The following RSPH14 variants were observed in gnomAD, a reference collection of about 807,000 sequenced individuals.
The protein encoded by RSPH14 is radial spoke head 14 homolog, also known as rhabdoid tumor deletion region gene 1.
RSPH14 carries 20 observed loss-of-function variants against 26.7 expected under a neutral mutation model. The observed-to-expected ratio is 0.75, with a 90% CI of 0.53 to 1.09. The LOEUF is 1.09. Among genes scored for constraint, RSPH14 ranks in the 50% least tolerant of loss-of-function variants. The pLI is 0.00. For missense variants in RSPH14, 449 were observed against 457.2 expected, an observed-to-expected ratio of 0.98 and a Z score of 0.16; for synonymous variants, 177 against 189.3, an observed-to-expected ratio of 0.93 and a Z score of 0.53.
At chr22:23,119,589 T>C (rs2069951587) in intron 4 of RSPH14, among the ~76,000 whole-genome samples, 1 of 152,226 alleles carries the variant, frequency 6.6e-6, no homozygotes, top group African/African-American at 2.4e-5. Context: ...GCCTTCCTGT[T>C]CTATAAAGAT....
At chr22:23,122,149 G>A (rs1428942401) in intron 4 of RSPH14, among the ~76,000 whole-genome samples, 5 of 152,234 alleles carry the variant, frequency 3.3e-5, no homozygotes, top group African/African-American at 4.8e-5. Context: ...GCAAATTCCA[G>A]GTAGTTACTC....
the RSPH14 span, among the ~76,000 whole-genome samples, chr22:23,170,966 CT>C: frequency 1.2e-4 from 18 of 151,936 alleles, no homozygotes; most frequent in East Asian, 3.9e-4. Flanking sequence ...GTTGCACTTT[CT>C]TTTTTCTTCT....
At chr22:23,152,484 T>TG in the RSPH14 span, 1 of 1,614,098 alleles carries the variant, frequency 6.2e-7, no homozygotes, top group Non-Finnish European at 8.5e-7. Flanking sequence ...AAGGTGGTGG[T>TG]GGTTGGCGAT....
the RSPH14 span, among the ~76,000 whole-genome samples, chr22:23,170,901 C>G: frequency 2.6e-5 from 4 of 152,038 alleles, no homozygotes; most frequent in African/African-American, 9.7e-5. Context: ...GGCTGGCGTG[C>G]TGTGGCTATT....
intron 4 of RSPH14, among the ~76,000 whole-genome samples, chr22:23,080,118 T>C (rs2068634970): frequency 6.6e-6 from 1 of 151,302 alleles, no homozygotes; most frequent in African/African-American, 2.5e-5. Context: ...AGGCCCCACT[T>C]CTTCTCTGCT....
chr22:23,069,513 G>A (rs537481299), intron 4 of RSPH14, among the ~76,000 whole-genome samples: 162 of 152,324 alleles, frequency 1.1e-3, no homozygotes, highest in African/African-American at 3.7e-3. Flanking sequence ...GTTCAGCTGC[G>A]TTTTGCTGAG....
chr22:23,161,823 T>C, the RSPH14 span: 11 of 496,918 alleles, frequency 2.2e-5, no homozygotes, highest in Non-Finnish European at 3.6e-5. Flanking sequence ...ACTGTGGTGA[T>C]CCCATAAAAG....
chr22:23,123,399 C>A, intron 4 of RSPH14: 1 of 1,613,686 alleles, frequency 6.2e-7, no homozygotes, highest in Non-Finnish European at 8.5e-7. Flanking sequence ...CGTCATCATA[C>A]AGAACAATCT....
chr22:23,167,458 C>A, the RSPH14 span, among the ~76,000 whole-genome samples: 16 of 152,280 alleles, frequency 1.1e-4, no homozygotes, highest in Admixed American at 1.0e-3. Flanking sequence ...CTGCCTGCCT[C>A]CCCCTCCTCC....
At chr22:23,167,973 AGTT>A in the RSPH14 span, among the ~76,000 whole-genome samples, 1 of 151,954 alleles carries the variant, frequency 6.6e-6, no homozygotes, top group Non-Finnish European at 1.5e-5. Context: ...CAGCCTCCCA[AGTT>A]GTTGGGACTA....
chr22:23,175,681 T>C, the RSPH14 span, among the ~76,000 whole-genome samples: 53 of 152,324 alleles, frequency 3.5e-4, no homozygotes, highest in Non-Finnish European at 5.4e-4. Flanking sequence ...CCACTGCTCA[T>C]AGACAGCTGT....
the RSPH14 span, among the ~76,000 whole-genome samples, chr22:23,171,833 ACT>A: frequency 3.0e-5 from 4 of 135,194 alleles, no homozygotes; most frequent in Non-Finnish European, 6.3e-5. Flanking sequence ...CAAGAGCAAA[ACT>A]CTGTCTCAAA....
chr22:23,156,125 A>G, the RSPH14 span: 1 of 876,132 alleles, frequency 1.1e-6, no homozygotes, highest in East Asian at 4.0e-5. Flanking sequence ...CTGCACAGGC[A>G]CCAGTTTTTT....
chr22:23,078,561 G>C (rs1282324576), intron 4 of RSPH14, among the ~76,000 whole-genome samples: 1 of 152,214 alleles, frequency 6.6e-6, no homozygotes, highest in Non-Finnish European at 1.5e-5. Flanking sequence ...GGCTGTTCTG[G>C]GGCTCTCCCT....
the RSPH14 span, among the ~76,000 whole-genome samples, chr22:23,168,222 G>GC: frequency 6.6e-6 from 1 of 152,236 alleles, no homozygotes; most frequent in Non-Finnish European, 1.5e-5. Flanking sequence ...TGGGGCATAA[G>GC]CCCTGGGTCC....
chr22:23,144,306 T>C (rs556835138), upstream of RSPH14, among the ~76,000 whole-genome samples: 1 of 152,252 alleles, frequency 6.6e-6, no homozygotes, highest in Non-Finnish European at 1.5e-5. Context: ...GTGGACACCA[T>C]GTCCGTTCTC....
chr22:23,062,749 T>C (rs1410889842), intron 5 of RSPH14, among the ~76,000 whole-genome samples: 1 of 152,226 alleles, frequency 6.6e-6, no homozygotes, highest in Non-Finnish European at 1.5e-5. Flanking sequence ...ATGATCAAAG[T>C]TGCAGAGTCC....
intron 4 of RSPH14, 35 bp from the exon 5 acceptor site, chr22:23,064,168 G>C (rs755901023): frequency 6.3e-7 from 1 of 1,595,152 alleles, no homozygotes; most frequent in East Asian, 2.2e-5. Flanking sequence ...GGGCGGGCTG[G>C]CCACACACCC....
At chr22:23,115,033 G>A (rs1054172411) in intron 4 of RSPH14, among the ~76,000 whole-genome samples, 4 of 152,176 alleles carry the variant, frequency 2.6e-5, no homozygotes, top group East Asian at 1.9e-4. Flanking sequence ...TTAATGTCAC[G>A]TGCATTTTAT....
Sources: allele counts gnomAD v4.1 joint callset (sites outside exome capture counted in the v4.1 genomes callset), GRCh38; gene constraint gnomAD v4.1.1; transcripts MANE v1.5; gene names NCBI Gene and HGNC (gene_info 2026-07-23, HGNC 2026-07-21).